Variants in AHCYL1 observed in about 807,000 individuals in gnomAD.
AHCYL1 encodes S-adenosylhomocysteine hydrolase-like protein 1.
In AHCYL1, 20 loss-of-function variants were observed where a neutral mutation model predicts 79.3. The observed-to-expected ratio is 0.25, with a 90% CI of 0.18 to 0.37. AHCYL1 has a LOEUF of 0.37. AHCYL1 is among the 10% of genes least tolerant of loss of function. AHCYL1 has a pLI of 1.00. For synonymous variants in AHCYL1, 223 were observed against 242.2 expected (o/e 0.92, Z 0.74); for missense variants, 330 against 673.6 (o/e 0.49, Z 5.65).
intron 10 of AHCYL1, 81 bp downstream of exon 10, chr1:110,017,664 A>C: frequency 6.9e-7 from 1 of 1,450,384 alleles, no homozygotes; most frequent in Non-Finnish European, 9.6e-7. Flanking sequence ...TATATTAATC[A>C]TTTTTGCAGA....
At chr1:109,986,695 TA>T (rs780010081) in intron 1 of AHCYL1, among the ~76,000 whole-genome samples, 3 of 152,248 alleles carry the variant, frequency 2.0e-5, no homozygotes, top group Non-Finnish European at 2.9e-5. Flanking sequence ...TTTATGTTAG[TA>T]AATCTGTATT....
At chr1:110,018,737 C>G (rs1168067639) in intron 13 of AHCYL1, 87 bp downstream of exon 13, 2 of 1,190,164 alleles carry the variant, frequency 1.7e-6, no homozygotes, top group African/African-American at 3.0e-5. Context: ...AAATATTAGG[C>G]CTATGTTTCC....
chr1:110,008,022 G>GTT (rs5776999), intron 1 of AHCYL1, among the ~76,000 whole-genome samples: 5 of 87,470 alleles, frequency 5.7e-5, no homozygotes, highest in African/African-American at 2.0e-4. Flanking sequence ...TTTTTTTTGG[G>GTT]TTTTTTTTTT....
intron 15 of AHCYL1, among the ~76,000 whole-genome samples, chr1:110,020,238 A>G (rs1162878149): frequency 6.6e-6 from 1 of 152,182 alleles, no homozygotes; most frequent in East Asian, 1.9e-4. Context: ...TTATCTATGG[A>G]AAAGTAAAAA....
chr1:110,001,767 CAT>C (rs1650326089), intron 1 of AHCYL1, among the ~76,000 whole-genome samples: 1 of 152,024 alleles, frequency 6.6e-6, no homozygotes, highest in Non-Finnish European at 1.5e-5. Flanking sequence ...AGTTTTGAGA[CAT>C]GTAAATGTTT....
intron 1 of AHCYL1, among the ~76,000 whole-genome samples, chr1:109,994,430 A>T (rs1649920369): frequency 6.6e-6 from 1 of 151,332 alleles, no homozygotes; most frequent in Non-Finnish European, 1.5e-5. Context: ...ACCTGGCTAA[A>T]TTTTTTTTGG....
intron 1 of AHCYL1, among the ~76,000 whole-genome samples, chr1:109,994,525 G>T (rs991665819): frequency 6.6e-5 from 10 of 152,108 alleles, no homozygotes; most frequent in Admixed American, 5.2e-4. Context: ...CTGACCTCAG[G>T]TGATCCACCC....
chr1:109,997,306 AAC>A (rs1249034004), intron 1 of AHCYL1, among the ~76,000 whole-genome samples: 3 of 152,192 alleles, frequency 2.0e-5, no homozygotes, highest in Admixed American at 1.3e-4. Flanking sequence ...TGGCTTCAAA[AAC>A]ACAGAAAGTG....
chr1:110,006,278 C>T (rs950384609), intron 1 of AHCYL1, among the ~76,000 whole-genome samples: 7 of 152,188 alleles, frequency 4.6e-5, no homozygotes, highest in Non-Finnish European at 1.0e-4. Flanking sequence ...AAGATACTTT[C>T]TGCATTTCAG....
intron 1 of AHCYL1, among the ~76,000 whole-genome samples, chr1:109,994,775 C>T (rs1368484834): frequency 6.6e-6 from 1 of 152,154 alleles, no homozygotes; most frequent in African/African-American, 2.4e-5. Flanking sequence ...TGAAGATTCC[C>T]AGTGTTCATT....
intron 1 of AHCYL1, among the ~76,000 whole-genome samples, chr1:109,998,127 T>G (rs1038545172): frequency 2.0e-5 from 3 of 152,338 alleles, no homozygotes; most frequent in African/African-American, 7.2e-5. Flanking sequence ...TGAGGCTGCC[T>G]AAGCTAGAGA....
intron 4 of AHCYL1, 42 bp from the exon 5 acceptor site, chr1:110,012,855 G>A: frequency 1.3e-6 from 2 of 1,504,190 alleles, no homozygotes; most frequent in Admixed American, 1.8e-5. Context: ...TTCCTGGGTG[G>A]CCCTTCTCTT....
chr1:110,004,540 A>T, intron 1 of AHCYL1: 1 of 967,206 alleles, frequency 1.0e-6, no homozygotes, highest in Non-Finnish European at 1.2e-6. Flanking sequence ...AGGTATTCAG[A>T]CTTGTGTATT....
intron 4 of AHCYL1, 88 bp from the exon 5 acceptor site, chr1:110,012,809 G>C: frequency 1.0e-6 from 1 of 964,414 alleles, no homozygotes; most frequent in Non-Finnish European, 1.5e-6. Flanking sequence ...GTGCAGAGTT[G>C]ATAGGTATTG....
At chr1:109,989,161 T>C (rs1649623213) in intron 1 of AHCYL1, among the ~76,000 whole-genome samples, 2 of 152,208 alleles carry the variant, frequency 1.3e-5, no homozygotes, top group Admixed American at 6.5e-5. Context: ...TTACATCTCT[T>C]TTTCTTGTTT....
At chr1:110,009,329 C>G (rs575420854) in intron 2 of AHCYL1, among the ~76,000 whole-genome samples, 184 bp downstream of exon 2, 1 of 152,358 alleles carries the variant, frequency 6.6e-6, no homozygotes, top group South Asian at 2.1e-4. Flanking sequence ...CTTTTGTCGA[C>G]TCGAGACTTT....
chr1:109,989,811 T>A (rs1489536615), intron 1 of AHCYL1, among the ~76,000 whole-genome samples: 2 of 152,228 alleles, frequency 1.3e-5, no homozygotes, highest in Admixed American at 1.3e-4. Flanking sequence ...TAGAACTGAA[T>A]AGTAATTCAG....
chr1:110,021,570 C>T (rs1045505791), intron 16 of AHCYL1, 104 bp from the exon 17 acceptor site: 9 of 1,138,162 alleles, frequency 7.9e-6, no homozygotes, highest in Admixed American at 1.9e-5. Context: ...GGATCCCACC[C>T]AGGCTGGGGA....
intron 1 of AHCYL1, chr1:110,003,979 A>G (rs1235222724): frequency 2.0e-6 from 2 of 985,272 alleles, no homozygotes; most frequent in African/African-American, 3.5e-5. Context: ...AGTAGCTCAC[A>G]AGGGTCAAAC....
Sources: allele counts gnomAD v4.1 joint callset (sites outside exome capture counted in the v4.1 genomes callset), GRCh38; gene constraint gnomAD v4.1.1; transcripts MANE v1.5; gene names NCBI Gene and HGNC (gene_info 2026-07-23, HGNC 2026-07-21).